Variants in GALNT13 observed in about 807,000 individuals in gnomAD.
GALNT13 encodes polypeptide N-acetylgalactosaminyltransferase 13.
A neutral mutation model predicts 64.2 loss-of-function variants in GALNT13; 28 were observed. The observed-to-expected ratio is 0.44, with a 90% CI of 0.32 to 0.60. The LOEUF (loss-of-function observed/expected upper bound fraction) is 0.60, where lower values mean the gene tolerates loss of function less well. Ranked by LOEUF, GALNT13 falls within the 20% of genes least tolerant of loss-of-function variation. The probability of loss-of-function intolerance (pLI) is 0.05; values close to 1 mark genes in which losing one functional copy is unlikely to be tolerated. For missense variants in GALNT13, 577 were observed against 669.8 expected (o/e 0.86, Z 1.53); for synonymous variants, 214 against 224.6 (o/e 0.95, Z 0.42).
At chr2:153,409,152 T>C in the GALNT13 span, among the ~76,000 whole-genome samples, 3 of 151,988 alleles carry the variant, frequency 2.0e-5, no homozygotes, top group Non-Finnish European at 2.9e-5. Context: ...TCCCTACTTT[T>C]GAGGTGTTGG....
the GALNT13 span, among the ~76,000 whole-genome samples, chr2:153,219,814 TCA>T: frequency 4.6e-5 from 7 of 152,230 alleles, no homozygotes; most frequent in African/African-American, 1.4e-4. Context: ...CTTTTCTGCT[TCA>T]GAGTGCTCAA....
intron 1 of GALNT13, among the ~76,000 whole-genome samples, chr2:153,876,494 C>T (rs1045242991): frequency 6.6e-6 from 1 of 152,088 alleles, no homozygotes; most frequent in East Asian, 1.9e-4. Context: ...AATAGTCATC[C>T]GTTTGGGGCA....
chr2:154,316,087 CA>C (rs1246571942), intron 9 of GALNT13, among the ~76,000 whole-genome samples: 4 of 150,912 alleles, frequency 2.7e-5, no homozygotes, highest in Non-Finnish European at 5.9e-5. Context: ...GATTCAGTCT[CA>C]AAAAAATTAA....
chr2:154,384,998 T>G (rs1478111913), intron 9 of GALNT13, among the ~76,000 whole-genome samples: 1 of 151,002 alleles, frequency 6.6e-6, no homozygotes, highest in Non-Finnish European at 1.5e-5. Context: ...GAAAACATAT[T>G]TGCACATGCT....
chr2:153,237,858 G>T, the GALNT13 span, among the ~76,000 whole-genome samples: 1 of 151,982 alleles, frequency 6.6e-6, no homozygotes, highest in Non-Finnish European at 1.5e-5. Context: ...CTAGCATTGG[G>T]ATTGCTGGAT....
the GALNT13 span, among the ~76,000 whole-genome samples, chr2:153,651,534 G>A: frequency 6.6e-6 from 1 of 152,058 alleles, no homozygotes; most frequent in Non-Finnish European, 1.5e-5. Context: ...CCTGCACACA[G>A]CAATTAAATA....
chr2:154,077,817 T>G (rs190442811), intron 3 of GALNT13, among the ~76,000 whole-genome samples: 4 of 151,584 alleles, frequency 2.6e-5, no homozygotes, highest in African/African-American at 7.2e-5. Flanking sequence ...AAGTAAATTA[T>G]GTCTGTCCAC....
At chr2:154,063,388 A>T (rs1485147187) in intron 3 of GALNT13, among the ~76,000 whole-genome samples, 1 of 152,138 alleles carries the variant, frequency 6.6e-6, no homozygotes, top group Non-Finnish European at 1.5e-5. Flanking sequence ...GTTTTTCATG[A>T]CATCTCTTAT....
the GALNT13 span, among the ~76,000 whole-genome samples, chr2:153,630,795 ATATATATATATATTTTTTT>A: frequency 1.0e-3 from 14 of 13,970 alleles, no homozygotes; most frequent in African/African-American, 3.5e-3. Flanking sequence ...ATATATATAT[ATATATATATATATTTTTTT>A]TTTTTTTTTT....
the GALNT13 span, among the ~76,000 whole-genome samples, chr2:153,621,632 G>A: frequency 1.3e-5 from 2 of 152,110 alleles, no homozygotes; most frequent in Non-Finnish European, 2.9e-5. Context: ...GTATTCTGTT[G>A]TATTGCAGTT....
intron 4 of GALNT13, among the ~76,000 whole-genome samples, chr2:154,210,237 T>C (rs1687688785): frequency 6.6e-6 from 1 of 152,202 alleles, no homozygotes; most frequent in African/African-American, 2.4e-5. Context: ...ACTCATCCAT[T>C]GATGGACACT....
intron 3 of GALNT13, among the ~76,000 whole-genome samples, chr2:154,126,062 T>C (rs1464835245): frequency 1.3e-5 from 2 of 152,150 alleles, no homozygotes; most frequent in Non-Finnish European, 2.9e-5. Context: ...GTTGCTACTA[T>C]CATGTGGTTC....
chr2:153,462,131 T>A, the GALNT13 span, among the ~76,000 whole-genome samples: 1 of 152,172 alleles, frequency 6.6e-6, no homozygotes, highest in East Asian at 1.9e-4. Flanking sequence ...GAAGCTTGTA[T>A]GTTACAGTGA....
At chr2:154,117,441 C>A (rs542560480) in intron 3 of GALNT13, among the ~76,000 whole-genome samples, 3 of 152,178 alleles carry the variant, frequency 2.0e-5, no homozygotes, top group African/African-American at 7.2e-5. Flanking sequence ...TACCCTGCAT[C>A]TCCAAAGTTC....
At chr2:153,943,161 A>G (rs1396121342) in intron 2 of GALNT13, among the ~76,000 whole-genome samples, 1 of 152,190 alleles carries the variant, frequency 6.6e-6, no homozygotes, top group African/African-American at 2.4e-5. Flanking sequence ...AAAATGCTCA[A>G]TGTAGTATAA....
chr2:154,401,605 T>C (rs1699306789), intron 10 of GALNT13, among the ~76,000 whole-genome samples: 1 of 152,142 alleles, frequency 6.6e-6, no homozygotes, highest in South Asian at 2.1e-4. Flanking sequence ...TATTGTATTT[T>C]TTTAACTTCA....
chr2:153,508,923 C>T, the GALNT13 span, among the ~76,000 whole-genome samples: 1 of 152,142 alleles, frequency 6.6e-6, no homozygotes, highest in Non-Finnish European at 1.5e-5. Flanking sequence ...TTTCTGGGTT[C>T]TCTTCCTCTG....
chr2:153,885,775 CT>C (rs1342515724), intron 1 of GALNT13, among the ~76,000 whole-genome samples: 1 of 152,082 alleles, frequency 6.6e-6, no homozygotes, highest in Non-Finnish European at 1.5e-5. Context: ...ATGTTCACTC[CT>C]TAGTATCCTT....
At chr2:153,163,816 G>T in the GALNT13 span, among the ~76,000 whole-genome samples, 2 of 152,032 alleles carry the variant, frequency 1.3e-5, no homozygotes, top group South Asian at 4.1e-4. Context: ...TCAGGAGATC[G>T]AGACCATCCT....
Sources: allele counts gnomAD v4.1 joint callset (sites outside exome capture counted in the v4.1 genomes callset), GRCh38; gene constraint gnomAD v4.1.1; transcripts MANE v1.5; gene names NCBI Gene and HGNC (gene_info 2026-07-23, HGNC 2026-07-21).